SSBP2: variants seen among roughly 807,000 people sequenced by gnomAD.
SSBP2 encodes the protein single stranded DNA binding protein 2.
Under a neutral mutation model 61.8 loss-of-function variants are expected in SSBP2, and 17 were observed. The observed-to-expected ratio is 0.28, with a 90% CI of 0.19 to 0.41. The LOEUF is 0.41. Ranked by LOEUF, SSBP2 falls within the 10% of genes least tolerant of loss-of-function variation. SSBP2 has a pLI of 1.00. For synonymous variants in SSBP2, 139 were observed against 141.3 expected (o/e 0.98, Z 0.12); for missense variants, 310 against 458.7 (o/e 0.68, Z 2.96).
chr5:81,451,962 A>G (rs1260922984), intron 10 of SSBP2, among the ~76,000 whole-genome samples: 1 of 152,244 alleles, frequency 6.6e-6, no homozygotes, highest in Admixed American at 6.5e-5. Context: ...AGTGTGAAGG[A>G]CATAAAATAT....
chr5:81,441,431 C>T (rs1378044115), intron 13 of SSBP2, among the ~76,000 whole-genome samples: 1 of 152,144 alleles, frequency 6.6e-6, no homozygotes, highest in Non-Finnish European at 1.5e-5. Context: ...TACCATGATA[C>T]CTTACACTTA....
chr5:81,446,775 G>C, intron 12 of SSBP2, 93 bp downstream of exon 12: 1 of 1,253,002 alleles, frequency 8.0e-7, no homozygotes. Flanking sequence ...GTGAGAACAT[G>C]AATACTACTA....
In SSBP2 at chr5:81,751,084, C is replaced by T; in HGVS notation, c.-42G>A. On this transcript the variant is annotated 5_prime_UTR_variant, in exon 1 of 17. Coordinates refer to ENST00000320672, the MANE Select transcript of SSBP2 (RefSeq NM_012446.5). ...GCTCCCACTGTCACGCACCTGTCAA[C>T]CCATCACAGCCTCCCCGGGAACAGC... is the stretch of plus-strand genomic sequence containing the variant. 2 of 1,555,848 alleles carry T rather than the reference C, an allele frequency of 1.3e-6. No individual in the cohort carries two copies. Among genetic ancestry groups the T allele is most frequent in the South Asian group, 2.4e-5 (2 of 84,660 alleles).
chr5:81,447,007 T>C, intron 11 of SSBP2, 85 bp from the exon 12 acceptor site: 2 of 923,904 alleles, frequency 2.2e-6, no homozygotes, highest in Non-Finnish European at 3.2e-6. Flanking sequence ...AATAATCCAA[T>C]TTGAAAATAA....
intron 3 of SSBP2, among the ~76,000 whole-genome samples, chr5:81,617,035 C>A (rs1361364521): frequency 3.3e-5 from 3 of 92,060 alleles, no homozygotes; most frequent in East Asian, 3.3e-4. Context: ...AACTCTAAAA[C>A]GCAGAGCGCC....
chr5:81,661,601 G>A (rs956507326), intron 1 of SSBP2, among the ~76,000 whole-genome samples: 1 of 151,842 alleles, frequency 6.6e-6, no homozygotes, highest in Non-Finnish European at 1.5e-5. Context: ...GATAATTAGT[G>A]ACACTGAGCA....
At chr5:81,428,497 CA>C in intron 16 of SSBP2, 87 bp downstream of exon 16, 1 of 881,710 alleles carries the variant, frequency 1.1e-6, no homozygotes, top group East Asian at 2.5e-5. Flanking sequence ...TCTAGATAAA[CA>C]GCAGTAAAAG....
intron 5 of SSBP2, among the ~76,000 whole-genome samples, chr5:81,500,011 C>T (rs1237165417): frequency 2.0e-5 from 3 of 152,180 alleles, no homozygotes; most frequent in Non-Finnish European, 4.4e-5. Context: ...GCAGAGATAA[C>T]AGCATTTGTT....
intron 6 of SSBP2, among the ~76,000 whole-genome samples, chr5:81,486,533 C>T (rs560665196): frequency 5.9e-5 from 9 of 152,216 alleles, no homozygotes; most frequent in African/African-American, 9.6e-5. Context: ...GATATTTAGG[C>T]GCTTCCTAGA....
intron 16 of SSBP2, among the ~76,000 whole-genome samples, chr5:81,427,947 T>G (rs1762055144): frequency 6.6e-6 from 1 of 152,220 alleles, no homozygotes; most frequent in African/African-American, 2.4e-5. Context: ...TACATAGAAC[T>G]CCTTGAGAAA....
intron 1 of SSBP2, among the ~76,000 whole-genome samples, chr5:81,660,233 A>G (rs1750573123): frequency 6.6e-6 from 1 of 152,196 alleles, no homozygotes; most frequent in Non-Finnish European, 1.5e-5. Flanking sequence ...TGAACAGGCA[A>G]CCTACAGAAT....
chr5:81,501,567 T>TC (rs1351367593), intron 5 of SSBP2, among the ~76,000 whole-genome samples: 4 of 141,528 alleles, frequency 2.8e-5, no homozygotes, highest in Non-Finnish European at 6.2e-5. Flanking sequence ...TCTTTTCTTT[T>TC]TTTTTTTTTT....
chr5:81,447,896 GT>G (rs1382044072), intron 11 of SSBP2: 2 of 152,068 alleles, frequency 1.3e-5, no homozygotes, highest in African/African-American at 4.8e-5. Context: ...GACTTGCTTA[GT>G]TTTATAGCTT....
intron 4 of SSBP2, among the ~76,000 whole-genome samples, chr5:81,568,105 T>C (rs891684153): frequency 6.6e-6 from 1 of 152,092 alleles, no homozygotes; most frequent in Non-Finnish European, 1.5e-5. Context: ...CATAATTCGT[T>C]TTGAAATGTG....
intron 4 of SSBP2, among the ~76,000 whole-genome samples, chr5:81,609,347 T>C (rs1745211379): frequency 6.6e-6 from 1 of 152,204 alleles, no homozygotes; most frequent in Non-Finnish European, 1.5e-5. Context: ...CCAGCACTTG[T>C]CTTATCCAAA....
chr5:81,670,923 T>C (rs376401696), intron 1 of SSBP2, among the ~76,000 whole-genome samples: 71 of 152,334 alleles, frequency 4.7e-4, no homozygotes, highest in African/African-American at 1.7e-3. Context: ...AGTATGCACA[T>C]TAATATTCAC....
At chr5:81,620,426 C>CACTGGTCAAGG in intron 3 of SSBP2, among the ~76,000 whole-genome samples, 2 of 151,826 alleles carry the variant, frequency 1.3e-5, no homozygotes, top group South Asian at 4.2e-4. Flanking sequence ...CAAGGAGAAC[C>CACTGGTCAAGG]ACAAACCACT....
At chr5:81,610,099 C>T (rs558037733) in intron 4 of SSBP2, among the ~76,000 whole-genome samples, 5 of 152,260 alleles carry the variant, frequency 3.3e-5, no homozygotes, top group South Asian at 2.1e-4. Flanking sequence ...ATAACACAGT[C>T]GGGCTGGGGC....
chr5:81,464,196 T>G (rs990574952), intron 9 of SSBP2, among the ~76,000 whole-genome samples: 2 of 152,202 alleles, frequency 1.3e-5, no homozygotes, highest in Non-Finnish European at 2.9e-5. Flanking sequence ...GGCCTCGTAG[T>G]ATTGCTTAAT....
Sources: gnomAD v4.1 joint callset for allele counts (sites outside exome capture counted in the v4.1 genomes callset) on GRCh38, gnomAD v4.1.1 for gene constraint, MANE v1.5 for transcripts, NCBI Gene and HGNC (gene_info 2026-07-23, HGNC 2026-07-21) for gene names.